The following ANO4 variants were observed in gnomAD, a reference collection of about 807,000 sequenced individuals.
ANO4 encodes the protein anoctamin-4.
In ANO4, 69 loss-of-function variants were observed where a neutral mutation model predicts 141.9. That is an observed-to-expected ratio of 0.49 (90% CI 0.40 to 0.59). The LOEUF (loss-of-function observed/expected upper bound fraction) is 0.59, where lower values mean the gene tolerates loss of function less well. Ranked by LOEUF, ANO4 falls within the 20% of genes least tolerant of loss-of-function variation. The probability of loss-of-function intolerance (pLI) is 0.00; values close to 1 mark genes in which losing one functional copy is unlikely to be tolerated. For missense variants in ANO4, 894 were observed against 1,162.2 expected, an observed-to-expected ratio of 0.77 and a Z score of 3.36; for synonymous variants, 350 against 394.3, an observed-to-expected ratio of 0.89 and a Z score of 1.33.
intron 14 of ANO4, chr12:101,068,593 GA>G: frequency 7.1e-7 from 1 of 1,416,978 alleles, no homozygotes; most frequent in South Asian, 1.2e-5. Flanking sequence ...AAAGTGTGGT[GA>G]AAGTGCTGAT....
intron 4 of ANO4, among the ~76,000 whole-genome samples, 197 bp from the exon 5 acceptor site, chr12:100,942,180 C>T (rs2042549367): frequency 6.6e-6 from 1 of 151,978 alleles, no homozygotes; most frequent in South Asian, 2.1e-4. Context: ...AAGGTTTCAC[C>T]ATATTGGCCA....
At chr12:101,050,517 C>T (rs954868256) in intron 14 of ANO4, among the ~76,000 whole-genome samples, 5 of 152,108 alleles carry the variant, frequency 3.3e-5, no homozygotes, top group Admixed American at 6.6e-5. Context: ...TATCATACAC[C>T]GTGATTCGGA....
chr12:101,019,901 C>T lies in ANO4; in HGVS notation c.735-133C>T, dbSNP rs924834218. 4.2e-6 allele frequency: 3 copies of T among 708,740 alleles called. No homozygotes were observed. The African/African-American group carries it at 5.4e-5, about 13-fold the overall frequency. 43.9% of individuals were successfully genotyped at this position (708,740 alleles called of 1,614,324 possible). On this transcript the variant is annotated intron_variant, in intron 8 of 27. Transcript: ENST00000392977. ...ATCCTGGTGTGATCTCTGGCTCCCT[C>T]AGGCTGTTCCAGACACACCCTGTCT...
intron 1 of ANO4, among the ~76,000 whole-genome samples, chr12:100,726,740 A>G (rs983038220): frequency 1.3e-5 from 2 of 152,166 alleles, no homozygotes; most frequent in Non-Finnish European, 2.9e-5. Context: ...ATGCATGTGA[A>G]CTGTATAAAG....
intron 5 of ANO4, among the ~76,000 whole-genome samples, chr12:100,961,384 G>T (rs1196249820): frequency 6.6e-6 from 1 of 152,166 alleles, no homozygotes; most frequent in Non-Finnish European, 1.5e-5. Flanking sequence ...GACTACTTCT[G>T]TTCAATGGGC....
intron 5 of ANO4, among the ~76,000 whole-genome samples, chr12:100,955,626 T>C (rs1393749159): frequency 6.6e-6 from 1 of 152,160 alleles, no homozygotes; most frequent in Non-Finnish European, 1.5e-5. Context: ...TTGGAAAATA[T>C]AAGCTGCCAC....
At chr12:101,036,644 C>T (rs545091579) in intron 9 of ANO4, among the ~76,000 whole-genome samples, 2 of 152,178 alleles carry the variant, frequency 1.3e-5, no homozygotes, top group African/African-American at 4.8e-5. Flanking sequence ...TCTTAAAAAG[C>T]CAAACTCTTA....
In ANO4 at chr12:101,042,393, T is replaced by C. The variant is rs1244622223; in HGVS notation, c.1079T>C (p.Met360Thr). The C allele has an allele frequency of 1.9e-6, 3 of 1,614,062 alleles. No individual in the cohort carries two copies. In the Admixed American group the frequency reaches 5.0e-5, roughly 27 times the overall value. ...YFAWLGWYTG[M>T]LFPAAFIGLF... is the part of the protein sequence containing the mutation. The stretch of plus-strand genomic sequence containing the variant: ...GCCTGGTTGGGCTGGTACACCGGCA[T>C]GCTCTTCCCAGCTGCCTTCATTGGA... Residue 360 changes from methionine to threonine, a missense_variant, in exon 12 of 28, where the codon ATG becomes ACG. Physicochemically the swap from Met to Thr is moderately conservative, Grantham distance 81. This residue lies in a region of ANO4 where 637 missense variants were observed against 909.2 expected (regional missense o/e 0.70). Coordinates refer to ENST00000392977, the MANE Select transcript of ANO4 (RefSeq NM_001286615.2).
chr12:101,095,434 G>A (rs1331404866), intron 18 of ANO4, among the ~76,000 whole-genome samples: 1 of 152,168 alleles, frequency 6.6e-6, no homozygotes, highest in Non-Finnish European at 1.5e-5. Context: ...GAACCTAGCT[G>A]GTGACCAGGA....
chr12:101,072,186 T>G (rs2048841911), intron 14 of ANO4, among the ~76,000 whole-genome samples: 1 of 152,216 alleles, frequency 6.6e-6, no homozygotes, highest in Non-Finnish European at 1.5e-5. Context: ...CCTTCCATCT[T>G]GTGGCTGCAT....
rs1302692959 is a variant in ANO4, at chr12:101,029,818, G to A, written c.842-7277G>A. Among the ~76,000 whole-genome samples the A allele has an allele frequency of 2.0e-5, 3 of 147,364 alleles. No individual in the cohort carries two copies. In the Admixed American group the frequency reaches 2.1e-4, roughly 10 times the overall value. On this transcript the variant is annotated intron_variant, in intron 9 of 27. Transcript: ENST00000392977. ...CCAGCTACTCGGGAGGCTGAGGCAG[G>A]AGAATTGCTTGAGCCCGGGAGACAG...
At chr12:101,036,469 G>A (rs796260294) in intron 9 of ANO4, among the ~76,000 whole-genome samples, 15 of 152,152 alleles carry the variant, frequency 9.9e-5, no homozygotes, top group African/African-American at 3.6e-4. Flanking sequence ...ATGGAAGAAT[G>A]GATAAAGGAA....
In ANO4 at chr12:100,843,273, T is replaced by G. The variant is rs572404047; in HGVS notation, c.-141+48246T>G. Among the ~76,000 whole-genome samples, 30 of 152,284 alleles carry G rather than the reference T, an allele frequency of 2.0e-4. No homozygotes were observed. The South Asian group carries it at 6.0e-3, about 31-fold the overall frequency. On this transcript the variant is annotated intron_variant, in intron 1 of 27. Coordinates refer to ENST00000392977, the MANE Select transcript of ANO4 (RefSeq NM_001286615.2). ...TTACCATAATCATTATCAGCATCAA[T>G]ATCATGATTCTGAGATAAGAAATTA...
intron 1 of ANO4, among the ~76,000 whole-genome samples, chr12:100,846,704 G>A (rs957323889): frequency 6.6e-6 from 1 of 152,050 alleles, no homozygotes; most frequent in Non-Finnish European, 1.5e-5. Flanking sequence ...AGATTAATTC[G>A]ATACTGTGCA....
chr12:100,861,761 TAAAC>T (rs1417448778), intron 1 of ANO4, among the ~76,000 whole-genome samples: 1 of 152,246 alleles, frequency 6.6e-6, no homozygotes, highest in Non-Finnish European at 1.5e-5. Context: ...ATATTTCACT[TAAAC>T]ACACATTGCA....
At chr12:100,988,558 A>T (rs1365752281) in intron 8 of ANO4, among the ~76,000 whole-genome samples, 1 of 151,804 alleles carries the variant, frequency 6.6e-6, no homozygotes, top group Non-Finnish European at 1.5e-5. Context: ...AAAAAAAAAA[A>T]AAAGGTTGCT....
chr12:101,016,367 T>G (rs2046316600), intron 8 of ANO4, among the ~76,000 whole-genome samples: 1 of 151,962 alleles, frequency 6.6e-6, no homozygotes, highest in Admixed American at 6.6e-5. Flanking sequence ...GGAGCCACAC[T>G]CTTTTAAACA....
intron 1 of ANO4, among the ~76,000 whole-genome samples, chr12:100,890,565 A>G (rs2040054201): frequency 6.6e-6 from 1 of 152,232 alleles, no homozygotes; most frequent in African/African-American, 2.4e-5. Context: ...GAATGGTGAG[A>G]TAGCCATGTC....
At chr12:100,856,606 G>A (rs1001735477) in intron 1 of ANO4, among the ~76,000 whole-genome samples, 1 of 152,134 alleles carries the variant, frequency 6.6e-6, no homozygotes, top group Non-Finnish European at 1.5e-5. Context: ...AGCTTGGCAA[G>A]AAGGATGAAG....
Sources: allele counts gnomAD v4.1 joint callset (sites outside exome capture counted in the v4.1 genomes callset), GRCh38; gene constraint gnomAD v4.1.1; regional missense constraint gnomAD v4.1.1; transcripts MANE v1.5; gene names NCBI Gene and HGNC (gene_info 2026-07-23, HGNC 2026-07-21).